KREMEN1: variants seen among roughly 807,000 people sequenced by gnomAD.
KREMEN1 encodes the protein kremen protein 1.
A neutral mutation model predicts 46.5 loss-of-function variants in KREMEN1; 30 were observed. The observed-to-expected ratio is 0.65, with a 90% CI of 0.48 to 0.88. The LOEUF (loss-of-function observed/expected upper bound fraction) is 0.88. KREMEN1 is among the 40% of genes least tolerant of loss of function. The pLI is 0.00. For synonymous variants in KREMEN1, 214 were observed against 230.6 expected, an observed-to-expected ratio of 0.93 and a Z score of 0.65; for missense variants, 533 against 596.9, an observed-to-expected ratio of 0.89 and a Z score of 1.11.
At chr22:29,112,705 G>A (rs1601779939) in intron 3 of KREMEN1, among the ~76,000 whole-genome samples, 1 of 152,276 alleles carries the variant, frequency 6.6e-6, no homozygotes, top group East Asian at 1.9e-4. Context: ...TGAAAGTGAT[G>A]AAGCCTCTTT....
At chr22:29,140,214 TC>T in intron 7 of KREMEN1, 67 bp from the exon 8 acceptor site, 1 of 1,264,780 alleles carries the variant, frequency 7.9e-7, no homozygotes, top group South Asian at 1.2e-5. Context: ...ACTTGGGTAT[TC>T]CAGCCGACCT....
intron 4 of KREMEN1, among the ~76,000 whole-genome samples, chr22:29,122,452 G>A (rs1209013334): frequency 4.6e-5 from 7 of 152,106 alleles, no homozygotes; most frequent in South Asian, 2.1e-4. Flanking sequence ...GCAATATCAC[G>A]CCTGGATAGT....
Position 29,094,282 on chromosome 22 carries a change from A to G in KREMEN1, c.122A>G (p.Asp41Gly), listed in dbSNP as rs774706235. Residue 41 changes from aspartate (D) to glycine (G), a missense_variant, in exon 2 of 9, where the codon GAT (aspartate) becomes GGT (glycine). Transcript: ENST00000400335. ...GPECFTANGA[D>G]YRGTQNWTAL... is the part of the protein sequence containing the mutation. ...GAGTGTTTCACAGCCAATGGTGCGG[A>G]TTATAGGGGAACACAGAACTGGACA... The G allele has an allele frequency of 8.7e-6, 14 of 1,612,060 alleles. No individual in the cohort carries two copies. The highest frequency in any genetic ancestry group is 3.3e-4 in the Middle Eastern group (2 of 6,072).
chr22:29,084,273 T>C (rs2037699739), intron 1 of KREMEN1, among the ~76,000 whole-genome samples: 1 of 152,186 alleles, frequency 6.6e-6, no homozygotes. Context: ...GAAATCTTCG[T>C]GACCTGTGTC....
chr22:29,125,192 C>A, intron 4 of KREMEN1, 71 bp from the exon 5 acceptor site: 1 of 1,566,472 alleles, frequency 6.4e-7, no homozygotes, highest in Non-Finnish European at 8.7e-7. Flanking sequence ...GAAGCCCACC[C>A]TGCCAGGCTC....
At chr22:29,152,009 T>TAAAA (rs132285) in intron 9 of KREMEN1, among the ~76,000 whole-genome samples, 1 of 132,684 alleles carries the variant, frequency 7.5e-6, no homozygotes, top group Non-Finnish European at 1.6e-5. Context: ...GACTCTGTCT[T>TAAAA]AAAAAAAAAA....
chr22:29,087,289 C>T (rs1430977706), intron 1 of KREMEN1, among the ~76,000 whole-genome samples: 1 of 151,780 alleles, frequency 6.6e-6, no homozygotes, highest in Non-Finnish European at 1.5e-5. Flanking sequence ...AAGTGCTAAG[C>T]GGTCCCACAG....
At chr22:29,083,615 T>C (rs760555828) in intron 1 of KREMEN1, among the ~76,000 whole-genome samples, 2 of 152,168 alleles carry the variant, frequency 1.3e-5, no homozygotes, top group African/African-American at 4.8e-5. Flanking sequence ...GCGGATCACT[T>C]GAGGTCAGGA....
At chr22:29,131,560 A>ATATATATATATACGTG (rs1240832937) in intron 5 of KREMEN1, among the ~76,000 whole-genome samples, 1 of 69,942 alleles carries the variant, frequency 1.4e-5, no homozygotes, top group East Asian at 3.3e-4. Context: ...ATATATATAT[A>ATATATATATATACGTG]TGTGTGTGTG....
intron 3 of KREMEN1, 51 bp downstream of exon 3, chr22:29,099,004 A>C (rs2037930832): frequency 7.3e-7 from 1 of 1,377,958 alleles, no homozygotes. Flanking sequence ...GAACACTAAG[A>C]GTGCGTAGAG....
intron 8 of KREMEN1, among the ~76,000 whole-genome samples, chr22:29,141,275 GTGTC>G (rs769586049): frequency 2.7e-5 from 4 of 149,392 alleles, no homozygotes; most frequent in Admixed American, 6.6e-5. Flanking sequence ...GTGTGTGTGT[GTGTC>G]TGTGTCTGTG....
chr22:29,131,789 TGTTTTGC>T (rs2038563648), intron 5 of KREMEN1, among the ~76,000 whole-genome samples: 1 of 145,128 alleles, frequency 6.9e-6, no homozygotes, highest in African/African-American at 2.6e-5. Flanking sequence ...TATAGTTTTG[TGTTTTGC>T]AGAATATTAT....
chr22:29,160,247 T>G (rs145301262), intron 9 of KREMEN1, among the ~76,000 whole-genome samples: 24 of 152,116 alleles, frequency 1.6e-4, no homozygotes, highest in African/African-American at 5.5e-4. Context: ...TAAGAAGATT[T>G]CGGCTGGGTG....
chr22:29,140,076 T>C (rs769208655), intron 7 of KREMEN1, among the ~76,000 whole-genome samples: 2 of 152,180 alleles, frequency 1.3e-5, no homozygotes, highest in Non-Finnish European at 2.9e-5. Flanking sequence ...GAGTGACTTG[T>C]AGAACAAAGG....
rs766607955 is a variant in KREMEN1, at chr22:29,094,210, A to G, written c.98-48A>G. 4.6e-6 allele frequency: 7 copies of G among 1,518,728 alleles called. 1 individual carries two copies. The South Asian group carries it at 8.5e-5, about 19-fold the overall frequency. The allele number at this position is 1,518,728 out of a possible 1,614,324, so 94.1% of individuals were successfully genotyped here. A position where few individuals can be genotyped will look rare whatever the true frequency, so the allele number is the denominator to read the frequency against. ...ACATCAACCAAAGAGGGAGGAAACC[A>G]TGAATGTTGCCAGAAAATTAGTTTG... On this transcript the variant is annotated intron_variant, in intron 1 of 8. Transcript: ENST00000400335.
At chr22:29,163,226 C>T (rs939276588) in intron 9 of KREMEN1, among the ~76,000 whole-genome samples, 2 of 152,158 alleles carry the variant, frequency 1.3e-5, no homozygotes, top group African/African-American at 4.8e-5. Flanking sequence ...AGCTCTCACG[C>T]TCTCCTGCCA....
At chr22:29,096,081 A>G (rs2037878589) in intron 2 of KREMEN1, among the ~76,000 whole-genome samples, 1 of 152,056 alleles carries the variant, frequency 6.6e-6, no homozygotes, top group Non-Finnish European at 1.5e-5. Flanking sequence ...TTTATATTTT[A>G]TTTTCCAAGT....
At chr22:29,077,020 A>G (rs1362782797) in intron 1 of KREMEN1, among the ~76,000 whole-genome samples, 1 of 152,254 alleles carries the variant, frequency 6.6e-6, no homozygotes, top group Non-Finnish European at 1.5e-5. Context: ...TAGCATAGTT[A>G]GACCAAAAGC....
rs2038846479 is a variant in KREMEN1, at chr22:29,145,640, TCC to T, written c.*3531_*3532del. ...CGGGAGGCACACGGTGCCCTGTTCT[TCC>T]CCGTTTGTCCAGTTGCTTGCAAAGC... On this transcript the variant is annotated 3_prime_UTR_variant, in exon 9 of 9. Coordinates refer to ENST00000400335, the MANE Select transcript of KREMEN1 (RefSeq NM_001039570.3). 15 of 985,508 alleles carry T rather than the reference TCC, an allele frequency of 1.5e-5. No individual in the cohort carries two copies. The highest frequency in any genetic ancestry group is 1.8e-5 in the Non-Finnish European group (15 of 830,004). The allele number at this position is 985,508 out of a possible 1,614,324, so 61.0% of individuals were successfully genotyped here.
Sources: allele counts gnomAD v4.1 joint callset (sites outside exome capture counted in the v4.1 genomes callset), GRCh38; gene constraint gnomAD v4.1.1; transcripts MANE v1.5; gene names NCBI Gene and HGNC (gene_info 2026-07-23, HGNC 2026-07-21).